The following CD6 variants were observed in gnomAD, a reference collection of about 807,000 sequenced individuals.
CD6 encodes T-cell differentiation antigen CD6.
A neutral mutation model predicts 75.3 loss-of-function variants in CD6; 53 were observed. The ratio of observed to expected loss-of-function variants is 0.70; its 90% confidence interval spans 0.56 to 0.88. CD6 has a LOEUF of 0.88. Ranked by LOEUF, CD6 falls within the 40% of genes least tolerant of loss-of-function variation. The probability of loss-of-function intolerance (pLI) is 0.00; values close to 1 mark genes in which losing one functional copy is unlikely to be tolerated. For missense variants in CD6, 770 were observed against 897.1 expected (o/e 0.86, Z 1.81); for synonymous variants, 359 against 381.5 (o/e 0.94, Z 0.69).
rs1388368657 is a variant in CD6, at chr11:61,008,728, C to A, written c.664C>A (p.Pro222Thr). The A allele has an allele frequency of 6.2e-7, 1 of 1,608,472 alleles. No individual in the cohort carries two copies. The highest frequency in any genetic ancestry group is 2.2e-5 in the East Asian group (1 of 44,702). Reference sequence around the variant, plus strand: ...CTTGCACTTCACGCCCGGCCGCGGGCCTATCCACCGGGACCAGGTGAACTG... The same window carrying A: ...CTTGCACTTCACGCCCGGCCGCGGGACTATCCACCGGGACCAGGTGAACTG... The part of the protein sequence containing the change: ...PGLHFTPGRG[P>T]IHRDQVNCSG... Residue 222 changes from proline to threonine, a missense_variant, in exon 4 of 13, where the codon CCT becomes ACT. Pro to Thr is a conservative substitution (Grantham distance 38). Transcript: ENST00000313421.
At position 61,007,487 on chromosome 11, in the gene CD6, A is replaced by G. The variant is rs1242391202; in HGVS notation, c.119-73A>G. 1.7e-6 allele frequency: 2 copies of G among 1,165,074 alleles called. No homozygotes were observed. Among genetic ancestry groups the G allele is most frequent in the Non-Finnish European group, 2.3e-6 (2 of 880,086 alleles). 72.2% of individuals were successfully genotyped at this position (1,165,074 alleles called of 1,614,324 possible). A position where few individuals can be genotyped will look rare whatever the true frequency, so the allele number is the denominator to read the frequency against. ...GGGCGTTGTCAAAGTTCACGCACAG[A>G]GTCAGTGGCAGAGCCTGGGCAACCC... On this transcript the variant is annotated intron_variant, in intron 2 of 12. Coordinates refer to ENST00000313421, the MANE Select transcript of CD6 (RefSeq NM_006725.5). This position sits in a 1 kb window ranked among gnomAD's most constrained non-coding sequence, Gnocchi z 4.2.
intron 1 of CD6, among the ~76,000 whole-genome samples, chr11:60,975,525 G>A (rs1227018852): frequency 6.6e-6 from 1 of 152,104 alleles, no homozygotes; most frequent in Non-Finnish European, 1.5e-5. Context: ...TTCTGGTCTG[G>A]TGTGGTAGTT....
rs61899223 is a variant in CD6 at position 61,008,631 on chromosome 11, T to C, written c.567T>C (p.Thr189=). 0.14 allele frequency: 217,814 copies of C among 1,607,596 alleles called. 15,687 individuals carry two copies. The highest frequency in any genetic ancestry group is 0.25 in the African/African-American group (18,577 of 74,938). Residue 189 remains threonine (T), a synonymous_variant, in exon 4 of 13, where the codon ACT becomes ACC. Coordinates refer to ENST00000313421, the MANE Select transcript of CD6 (RefSeq NM_006725.5). ...AGTGGGGATCAGTGTGCGATGACACTTGGGACCTGGAGGACGCCCACGTGG... is the reference window on the plus strand; with the variant it reads ...AGTGGGGATCAGTGTGCGATGACACCTGGGACCTGGAGGACGCCCACGTGG... ...HGEWGSVCDD[T]WDLEDAHVVC...
chr11:60,997,647 A>G (rs1196681066), intron 1 of CD6, among the ~76,000 whole-genome samples: 3 of 152,146 alleles, frequency 2.0e-5, no homozygotes, highest in African/African-American at 7.2e-5. Context: ...CTCAAGTTTC[A>G]CCAGAAACAT....
At chr11:60,972,471 CCCA>C (rs1307507384) in intron 1 of CD6, among the ~76,000 whole-genome samples, 1 of 152,186 alleles carries the variant, frequency 6.6e-6, no homozygotes, top group African/African-American at 2.4e-5. Context: ...GAAGGCCACC[CCCA>C]CGTCTCAAGC....
rs770860378 is a variant in CD6, at chr11:61,017,848, C to T, written c.1672C>T (p.Pro558Ser). The T allele has an allele frequency of 2.5e-6, 4 of 1,614,158 alleles. No individual in the cohort carries two copies. In the Admixed American group the frequency reaches 6.7e-5, roughly 27 times the overall value. Residue 558 changes from proline to serine, a missense_variant, in exon 11 of 13, where the codon CCG becomes TCG. Physicochemically the swap from Pro to Ser is moderately conservative, Grantham distance 74 (BLOSUM62 -1). Transcript: ENST00000313421. ...GCCATCCCTGGGCCCTCAGTATCAC[C>T]CGAGGAGCAACAGTGAGTCGAGCAC... ...DPPSLGPQYH[P>S]RSNSESSTSS...
chr11:60,994,657 CTCTT>C (rs1858219703), intron 1 of CD6, among the ~76,000 whole-genome samples: 1 of 152,088 alleles, frequency 6.6e-6, no homozygotes, highest in Non-Finnish European at 1.5e-5. Flanking sequence ...AATACTCACT[CTCTT>C]TCTCTTTCTC....
chr11:60,972,775 C>T (rs976651881), intron 1 of CD6, among the ~76,000 whole-genome samples: 1 of 152,112 alleles, frequency 6.6e-6, no homozygotes, highest in Admixed American at 6.5e-5. Flanking sequence ...GGAGGAGACC[C>T]AGGAAGACCC....
At chr11:60,974,406 C>T (rs1358266692) in intron 1 of CD6, among the ~76,000 whole-genome samples, 1 of 152,194 alleles carries the variant, frequency 6.6e-6, no homozygotes, top group Non-Finnish European at 1.5e-5. Flanking sequence ...GCCACGACGC[C>T]CAGCTAATTT....
At chr11:60,986,062 C>T (rs1251927843) in intron 1 of CD6, among the ~76,000 whole-genome samples, 2 of 152,208 alleles carry the variant, frequency 1.3e-5, no homozygotes, top group Admixed American at 1.3e-4. Context: ...GGGGCAAGGA[C>T]TTACCCAAGG....
At position 61,013,503 on chromosome 11, in the gene CD6, C is replaced by T. The variant is rs1478342588; in HGVS notation, c.1231C>T (p.Leu411Phe). 1 of 1,613,938 alleles carries T rather than the reference C, an allele frequency of 6.2e-7. No homozygotes were observed. The highest frequency in any genetic ancestry group is 8.5e-7 in the Non-Finnish European group (1 of 1,179,904). The change falls in exon 7 of 13, where the codon CTC becomes TTC. Residue 411 changes from leucine to phenylalanine, a missense_variant. Leu to Phe is a conservative substitution (Grantham distance 22, BLOSUM62 0). Transcript: ENST00000313421. ...CATCCCCTCCATCGTTCTGGGAATT[C>T]TCCTCCTTGGCTCCCTCATCTTCAT... ...LLIPSIVLGI[L>F]LLGSLIFIAF...
chr11:61,005,962 T>C (rs1261815001), intron 1 of CD6, among the ~76,000 whole-genome samples: 1 of 151,574 alleles, frequency 6.6e-6, no homozygotes, highest in Non-Finnish European at 1.5e-5. Context: ...AGAAAGAAAG[T>C]AAATGGAACA....
intron 1 of CD6, among the ~76,000 whole-genome samples, chr11:60,997,398 T>A (rs1266138159): frequency 2.0e-5 from 3 of 149,020 alleles, no homozygotes; most frequent in Non-Finnish European, 4.5e-5. Flanking sequence ...AAAAATAAAA[T>A]AAAATAAAAT....
rs1859133286 is a variant in CD6, at chr11:61,011,197, G to GTGTGTGTGTA, written c.1150+69_1150+70insGTATGTGTGT. 2.2e-6 allele frequency: 3 copies of GTGTGTGTGTA among 1,342,990 alleles called. No homozygotes were observed. The South Asian group carries it at 3.6e-5, about 16-fold the overall frequency. 83.2% of individuals were successfully genotyped at this position (1,342,990 alleles called of 1,614,324 possible). On this transcript the variant is annotated intron_variant, in intron 6 of 12. Transcript: ENST00000313421. ...CTTGGACGTGTGTGTGTGTGTGTGT[G>GTGTGTGTGTA]TGTGTGTTCCTGTGCACACCTGTGT...
At chr11:60,999,913 C>T (rs936546538) in intron 1 of CD6, among the ~76,000 whole-genome samples, 2 of 151,756 alleles carry the variant, frequency 1.3e-5, no homozygotes, top group African/African-American at 2.4e-5. Flanking sequence ...ATTAGCCAGG[C>T]ATGGTGGCAG....
chr11:61,018,773 G>T (rs949208374), intron 12 of CD6: 2 of 273,070 alleles, frequency 7.3e-6, no homozygotes, highest in Non-Finnish European at 1.4e-5. Flanking sequence ...AGCTATGATC[G>T]TATCACTGTG....
At position 61,019,379 on chromosome 11, in the gene CD6, T is replaced by A. The variant is rs1199543888; in HGVS notation, c.*61T>A. 3 of 1,346,832 alleles carry A rather than the reference T, an allele frequency of 2.2e-6. No individual in the cohort carries two copies. Among genetic ancestry groups the A allele is most frequent in the African/African-American group, 2.9e-5 (2 of 69,350 alleles). 83.4% of individuals were successfully genotyped at this position (1,346,832 alleles called of 1,614,324 possible). On this transcript the variant is annotated 3_prime_UTR_variant, in exon 13 of 13. Transcript: ENST00000313421. ...CCCTCTGGCCTCCTGCTCTACCTAC[T>A]CCCTTTCCCCTTTCCCACCCTCCCA... is the stretch of plus-strand genomic sequence containing the variant.
At chr11:61,000,601 C>A (rs1858534012) in intron 1 of CD6, among the ~76,000 whole-genome samples, 1 of 152,196 alleles carries the variant, frequency 6.6e-6, no homozygotes, top group Admixed American at 6.5e-5. Flanking sequence ...CCTTGTTTCC[C>A]CACCAGGCTT....
intron 11 of CD6, 85 bp downstream of exon 11, chr11:61,018,098 G>C: frequency 6.6e-7 from 1 of 1,526,328 alleles, no homozygotes; most frequent in Non-Finnish European, 8.9e-7. Flanking sequence ...GTCAGGCTGA[G>C]GTCAGGATTC....
Sources: gnomAD v4.1 joint callset for allele counts (sites outside exome capture counted in the v4.1 genomes callset) on GRCh38, gnomAD v4.1.1 for gene constraint, Gnocchi (gnomAD v3.1) non-coding constraint, MANE v1.5 for transcripts, NCBI Gene and HGNC (gene_info 2026-07-23, HGNC 2026-07-21) for gene names.